The following PRPF19 variants were observed in gnomAD, a reference collection of about 807,000 sequenced individuals.
PRPF19 encodes pre-mRNA-processing factor 19.
PRPF19 carries 2 observed loss-of-function variants against 64.2 expected under a neutral mutation model. The observed-to-expected ratio is 0.03, with a 90% CI of 0.01 to 0.10. The LOEUF (loss-of-function observed/expected upper bound fraction) is 0.10. Ranked by LOEUF, PRPF19 falls within the 10% of genes least tolerant of loss-of-function variation. PRPF19 has a pLI of 1.00. For missense variants in PRPF19, 314 were observed against 650.0 expected (o/e 0.48, Z 5.62); for synonymous variants, 226 against 251.6 (o/e 0.90, Z 0.96).
chr11:60,901,699 T>A (rs765720207), intron 6 of PRPF19, among the ~76,000 whole-genome samples, 159 bp from the exon 7 acceptor site: 1 of 152,330 alleles, frequency 6.6e-6, no homozygotes, highest in Non-Finnish European at 1.5e-5. Flanking sequence ...CTTACTTCCA[T>A]CCCAGCTTTA....
intron 1 of PRPF19, among the ~76,000 whole-genome samples, chr11:60,904,104 A>C (rs1406568846): frequency 6.6e-6 from 1 of 152,198 alleles, no homozygotes; most frequent in Non-Finnish European, 1.5e-5. Context: ...TCATATAGTC[A>C]ACAAATAATT....
At chr11:60,901,398 A>G (rs1855982903) in intron 7 of PRPF19, 29 bp from the exon 8 acceptor site, 1 of 1,614,136 alleles carries the variant, frequency 6.2e-7, no homozygotes, top group Non-Finnish European at 8.5e-7. Flanking sequence ...CCCAAAGAAG[A>G]GCAGCAATGA....
In PRPF19 at chr11:60,902,113, A is replaced by C. The variant is rs565264544; in HGVS notation, c.525+290T>G. Among the ~76,000 whole-genome samples the C allele has an allele frequency of 1.3e-5, 2 of 152,376 alleles. No homozygotes were observed. Among genetic ancestry groups the C allele is most frequent in the Non-Finnish European group, 2.9e-5 (2 of 68,038 alleles). On this transcript the variant is annotated intron_variant, in intron 6 of 15. Coordinates refer to ENST00000227524, the MANE Select transcript of PRPF19 (RefSeq NM_014502.5). The surrounding 1 kb of genome is among the most constrained non-coding windows in gnomAD (Gnocchi z 5.0). ...ATAAGAGCTAAAAGGTGCACTTATC[A>C]GTAATGAAATCTTTTAAATTCCCAC...
chr11:60,902,916 G>A lies in PRPF19; in HGVS notation c.247-35C>T, dbSNP rs758048972. The A allele has an allele frequency of 1.9e-6, 3 of 1,605,272 alleles. No individual in the cohort carries two copies. Among genetic ancestry groups the A allele is most frequent in the African/African-American group, 2.7e-5 (2 of 74,964 alleles). On this transcript the variant is annotated intron_variant, in intron 3 of 15. Transcript: ENST00000227524. This position sits in a 1 kb window ranked among gnomAD's most constrained non-coding sequence, Gnocchi z 5.0. Reference sequence around the variant, plus strand: ...GCAAATATCATTGTAAGGTGAGGTGGGGGGTGCAGGGAGTACCCAGTGGAG... The same window carrying A: ...GCAAATATCATTGTAAGGTGAGGTGAGGGGTGCAGGGAGTACCCAGTGGAG...
At chr11:60,900,738 G>A (rs1195192713) in intron 9 of PRPF19, 47 bp from the exon 10 acceptor site, 3 of 1,564,000 alleles carry the variant, frequency 1.9e-6, no homozygotes, top group South Asian at 2.3e-5. Context: ...GCCCACCCAG[G>A]CCCTTTTGCT....
chr11:60,898,668 G>C lies in PRPF19; in HGVS notation c.1055-42C>G. ...AGAGACCTGTGGTCAGAGCCCACCA[G>C]GGAGAGAGACTAAGAGCAGCAAAGG... On this transcript the variant is annotated intron_variant, in intron 12 of 15. Coordinates refer to ENST00000227524, the MANE Select transcript of PRPF19 (RefSeq NM_014502.5). The surrounding 1 kb of genome is among the most constrained non-coding windows in gnomAD (Gnocchi z 4.6). 1.2e-6 allele frequency: 2 copies of C among 1,613,242 alleles called. No homozygotes were observed. Among genetic ancestry groups the C allele is most frequent in the Non-Finnish European group, 1.7e-6 (2 of 1,179,596 alleles).
Position 60,902,545 on chromosome 11 carries a change from C to T in PRPF19, c.462+38G>A. On this transcript the variant is annotated intron_variant, in intron 5 of 15. Coordinates refer to ENST00000227524, the MANE Select transcript of PRPF19 (RefSeq NM_014502.5). The surrounding 1 kb of genome is among the most constrained non-coding windows in gnomAD (Gnocchi z 5.0). ...AAGGACAGTTCTGTGGGCCACTGTA[C>T]ACAAATGGGCTGCTGGTAAGGGAAG... 1 of 1,607,880 alleles carries T rather than the reference C, an allele frequency of 6.2e-7. No individual in the cohort carries two copies.
intron 10 of PRPF19, 33 bp downstream of exon 10, chr11:60,900,546 AAAG>A (rs764360216): frequency 6.8e-7 from 1 of 1,471,844 alleles, no homozygotes; most frequent in South Asian, 1.2e-5. Flanking sequence ...ACAGCCAAGG[AAAG>A]AAGAACCAAG....
intron 10 of PRPF19, among the ~76,000 whole-genome samples, chr11:60,899,690 G>A (rs997195106): frequency 9.2e-5 from 14 of 152,172 alleles, no homozygotes; most frequent in Admixed American, 8.5e-4. Flanking sequence ...GTACTGTATG[G>A]CACAGGTCTG....
intron 15 of PRPF19, among the ~76,000 whole-genome samples, chr11:60,894,316 C>G (rs1447558774): frequency 6.6e-6 from 1 of 152,234 alleles, no homozygotes; most frequent in African/African-American, 2.4e-5. Context: ...CCTGCTTTAT[C>G]AATTAAGTTT....
At chr11:60,895,186 T>A (rs1269283116) in intron 15 of PRPF19, among the ~76,000 whole-genome samples, 1 of 152,236 alleles carries the variant, frequency 6.6e-6, no homozygotes, top group Non-Finnish European at 1.5e-5. Flanking sequence ...AAGTTCCAGA[T>A]GTCACTTTCT....
At chr11:60,894,808 A>G (rs1365083651) in intron 15 of PRPF19, among the ~76,000 whole-genome samples, 1 of 152,250 alleles carries the variant, frequency 6.6e-6, no homozygotes, top group South Asian at 2.1e-4. Context: ...TTACTCCTTG[A>G]TCCATAAGCC....
Position 60,898,436 on chromosome 11 carries a change from C to T in PRPF19, c.1140+105G>A. On this transcript the variant is annotated intron_variant, in intron 13 of 15. Coordinates refer to ENST00000227524, the MANE Select transcript of PRPF19 (RefSeq NM_014502.5). The surrounding 1 kb of genome is among the most constrained non-coding windows in gnomAD (Gnocchi z 4.6). ...CATATCACACACGCACAGCCAGTGT[C>T]TCTCCACCTTCAGGGCCAGGTGCCA... The T allele has an allele frequency of 6.4e-7, 1 of 1,573,628 alleles. No individual in the cohort carries two copies. The highest frequency in any genetic ancestry group is 1.2e-5 in the South Asian group (1 of 85,004).
At chr11:60,895,244 TACCC>T (rs1192900990) in intron 15 of PRPF19, among the ~76,000 whole-genome samples, 3 of 152,248 alleles carry the variant, frequency 2.0e-5, no homozygotes, top group African/African-American at 4.8e-5. Flanking sequence ...TTGTTGAGTG[TACCC>T]ACCGTCAATG....
At chr11:60,905,013 T>C (rs112503800) in intron 1 of PRPF19, among the ~76,000 whole-genome samples, 1 of 152,202 alleles carries the variant, frequency 6.6e-6, no homozygotes, top group Admixed American at 6.5e-5. Context: ...ACCTGGAAGA[T>C]TCCAAGGAGC....
At chr11:60,899,123 C>A in intron 11 of PRPF19, 26 bp downstream of exon 11, 2 of 1,602,694 alleles carry the variant, frequency 1.2e-6, no homozygotes, top group Non-Finnish European at 8.5e-7. Flanking sequence ...CAGCAGGCCT[C>A]TCCAGGGCAC....
At chr11:60,899,027 C>A in intron 11 of PRPF19, 96 bp from the exon 12 acceptor site, 1 of 1,507,874 alleles carries the variant, frequency 6.6e-7, no homozygotes, top group Non-Finnish European at 9.0e-7. Flanking sequence ...TTGGCAAACC[C>A]TGGCAAACAT....
At position 60,898,319 on chromosome 11, in the gene PRPF19, G is replaced by A; in HGVS notation, c.1141-48C>T. ...AATACGTCACCCACAGATCATGAGA[G>A]GAAGAAAATGGGGCTCACCAAACTC... On this transcript the variant is annotated intron_variant, in intron 13 of 15. Transcript: ENST00000227524. This position sits in a 1 kb window ranked among gnomAD's most constrained non-coding sequence, Gnocchi z 4.6. 1.3e-6 allele frequency: 2 copies of A among 1,591,138 alleles called. No homozygotes were observed. The highest frequency in any genetic ancestry group is 1.7e-6 in the Non-Finnish European group (2 of 1,168,832).
At chr11:60,896,422 C>T (rs1423904949) in intron 15 of PRPF19, among the ~76,000 whole-genome samples, 1 of 152,178 alleles carries the variant, frequency 6.6e-6, no homozygotes, top group Non-Finnish European at 1.5e-5. Context: ...CAAATCTCAT[C>T]TTGAATTGTA....
Sources: allele counts gnomAD v4.1 joint callset (sites outside exome capture counted in the v4.1 genomes callset), GRCh38; gene constraint gnomAD v4.1.1; non-coding constraint Gnocchi (gnomAD v3.1); transcripts MANE v1.5; gene names NCBI Gene and HGNC (gene_info 2026-07-23, HGNC 2026-07-21).